Variants in GOLIM4 observed in about 807,000 individuals in gnomAD.
GOLIM4 encodes the protein 130 kDa golgi-localized phosphoprotein.
GOLIM4 carries 71 observed loss-of-function variants against 107.4 expected under a neutral mutation model. That is an observed-to-expected ratio of 0.66 (90% confidence interval 0.55 to 0.81). The LOEUF is 0.81. Among genes scored for constraint, GOLIM4 ranks in the 30% least tolerant of loss-of-function variants. The probability of loss-of-function intolerance (pLI) is 0.00; values close to 1 mark genes in which losing one functional copy is unlikely to be tolerated. For missense variants in GOLIM4, 830 were observed against 826.1 expected (o/e 1.00, Z -0.06); for synonymous variants, 327 against 294.8 (o/e 1.11, Z -1.12).
intron 1 of GOLIM4, among the ~76,000 whole-genome samples, chr3:168,053,465 T>G (rs1252083998): frequency 2.6e-5 from 4 of 152,162 alleles, no homozygotes; most frequent in African/African-American, 9.7e-5. Flanking sequence ...GTGAAAACAT[T>G]GAGATTTGCA....
intron 1 of GOLIM4, among the ~76,000 whole-genome samples, chr3:168,071,579 C>A (rs1230420499): frequency 6.6e-6 from 1 of 150,936 alleles, no homozygotes; most frequent in Non-Finnish European, 1.5e-5. Flanking sequence ...AACATGGCAA[C>A]AGAAAGAGGG....
chr3:168,046,855 G>T, intron 3 of GOLIM4, 95 bp downstream of exon 3: 1 of 591,884 alleles, frequency 1.7e-6, no homozygotes, highest in Non-Finnish European at 2.8e-6. Flanking sequence ...GGATCAAAAA[G>T]TAAAAGAGTT....
At chr3:168,082,615 A>G (rs535042327) in intron 1 of GOLIM4, among the ~76,000 whole-genome samples, 8 of 152,316 alleles carry the variant, frequency 5.3e-5, no homozygotes, top group African/African-American at 1.9e-4. Context: ...ACGACAAGGC[A>G]CTTTATCAAT....
At chr3:168,029,732 A>G in intron 10 of GOLIM4, 48 bp downstream of exon 10, 1 of 1,594,878 alleles carries the variant, frequency 6.3e-7, no homozygotes, top group Non-Finnish European at 8.6e-7. Flanking sequence ...TTGCGTATGA[A>G]AACTGGAGCA....
chr3:168,029,173 T>C (rs368820673), intron 11 of GOLIM4, 50 bp downstream of exon 11: 1 of 1,176,400 alleles, frequency 8.5e-7, no homozygotes, highest in Non-Finnish European at 1.3e-6. Flanking sequence ...TAATATACAA[T>C]GTTATCAAGT....
chr3:168,091,826 G>T (rs1314127104), intron 1 of GOLIM4, among the ~76,000 whole-genome samples: 1 of 152,120 alleles, frequency 6.6e-6, no homozygotes, highest in Non-Finnish European at 1.5e-5. Flanking sequence ...TCACACAAAA[G>T]GTTGTAGAAC....
chr3:168,023,304 CTCTT>C (rs1717815518), intron 14 of GOLIM4, among the ~76,000 whole-genome samples: 1 of 152,182 alleles, frequency 6.6e-6, no homozygotes, highest in South Asian at 2.1e-4. Flanking sequence ...CTCTGCTGCT[CTCTT>C]TCTGACAAGA....
chr3:168,037,295 A>G (rs1718710593), intron 7 of GOLIM4, among the ~76,000 whole-genome samples: 1 of 152,222 alleles, frequency 6.6e-6, no homozygotes, highest in Non-Finnish European at 1.5e-5. Flanking sequence ...TATCACTATT[A>G]AAAGACCGTT....
At chr3:168,024,621 T>C (rs781293249) in intron 13 of GOLIM4, 27 bp from the exon 14 acceptor site, 8 of 1,577,410 alleles carry the variant, frequency 5.1e-6, no homozygotes, top group Admixed American at 3.3e-5. Context: ...GGCAGGTTCA[T>C]GTTACTGTAC....
At chr3:168,087,869 G>A (rs1440731485) in intron 1 of GOLIM4, among the ~76,000 whole-genome samples, 3 of 152,074 alleles carry the variant, frequency 2.0e-5, no homozygotes, top group African/African-American at 7.2e-5. Flanking sequence ...CATTGAACCC[G>A]AACATGGTAG....
intron 1 of GOLIM4, among the ~76,000 whole-genome samples, chr3:168,064,602 A>AT (rs202087898): frequency 0.21 from 30,931 of 144,468 alleles, 3,696 homozygotes; most frequent in Middle Eastern, 0.3. Flanking sequence ...ATACTTGGGG[A>AT]TTTTTTTTTT....
intron 1 of GOLIM4, among the ~76,000 whole-genome samples, chr3:168,074,755 G>A (rs1227389073): frequency 6.6e-6 from 1 of 152,108 alleles, no homozygotes; most frequent in Admixed American, 6.5e-5. Context: ...CGCAGACAAG[G>A]ACATTAGAAA....
intron 1 of GOLIM4, among the ~76,000 whole-genome samples, chr3:168,076,977 T>C (rs1721110880): frequency 2.6e-5 from 4 of 152,348 alleles, no homozygotes; most frequent in Non-Finnish European, 4.4e-5. Context: ...GATTTACTTA[T>C]TGCCTTTTGT....
At chr3:168,073,646 T>C (rs1280545450) in intron 1 of GOLIM4, among the ~76,000 whole-genome samples, 1 of 152,168 alleles carries the variant, frequency 6.6e-6, no homozygotes, top group Non-Finnish European at 1.5e-5. Flanking sequence ...AGCTAATAAG[T>C]GCAAATATGA....
chr3:168,026,612 T>C (rs910111644), intron 12 of GOLIM4, among the ~76,000 whole-genome samples: 1 of 152,162 alleles, frequency 6.6e-6, no homozygotes, highest in African/African-American at 2.4e-5. Flanking sequence ...GTGACTGAAA[T>C]GCCCTTCCTC....
In GOLIM4 at chr3:168,036,941, G is replaced by A. The variant is rs780788213; in HGVS notation, c.738C>T (p.Ser246=). ...QLKDTLNRIP[S]LRKPDPAEQQ... ...GTTCTGCTGGATCAGGTTTTCGAAGGCTTGGAATCCTATTCAGAGTATCTT... is the reference window on the plus strand; with the variant it reads ...GTTCTGCTGGATCAGGTTTTCGAAGACTTGGAATCCTATTCAGAGTATCTT... The change falls in exon 8 of 16, where the codon AGC becomes AGT. Residue 246 remains serine, a synonymous_variant. Coordinates refer to ENST00000470487, the MANE Select transcript of GOLIM4 (RefSeq NM_014498.5). 26 of 1,567,866 alleles carry A rather than the reference G, an allele frequency of 1.7e-5. No homozygotes were observed. Among genetic ancestry groups the A allele is most frequent in the Non-Finnish European group, 2.3e-5 (26 of 1,152,894 alleles).
intron 14 of GOLIM4, among the ~76,000 whole-genome samples, chr3:168,013,750 C>T (rs1004263839): frequency 6.6e-6 from 1 of 150,792 alleles, no homozygotes; most frequent in Non-Finnish European, 1.5e-5. Context: ...CAAAACCGCT[C>T]AACTACATGG....
intron 1 of GOLIM4, among the ~76,000 whole-genome samples, chr3:168,087,121 T>G (rs1721669313): frequency 6.6e-6 from 1 of 152,170 alleles, no homozygotes; most frequent in Non-Finnish European, 1.5e-5. Flanking sequence ...ATGCAAAACC[T>G]GTACAGTTTT....
chr3:168,088,321 T>C (rs551560257), intron 1 of GOLIM4, among the ~76,000 whole-genome samples: 238 of 152,046 alleles, frequency 1.6e-3, no homozygotes, highest in African/African-American at 5.5e-3. Flanking sequence ...CTACTAGATG[T>C]AGTAAAGGCT....
Sources: allele counts gnomAD v4.1 joint callset (sites outside exome capture counted in the v4.1 genomes callset), GRCh38; gene constraint gnomAD v4.1.1; transcripts MANE v1.5; gene names NCBI Gene and HGNC (gene_info 2026-07-23, HGNC 2026-07-21).